The following HMGCLL1 variants were observed in gnomAD, a reference collection of about 807,000 sequenced individuals.
HMGCLL1 encodes 3-hydroxymethyl-3-methylglutaryl-CoA lyase, cytoplasmic.
A neutral mutation model predicts 39.1 loss-of-function variants in HMGCLL1; 36 were observed. That is an observed-to-expected ratio of 0.92 (90% CI 0.71 to 1.22). HMGCLL1 has a LOEUF of 1.22. Among genes scored for constraint, HMGCLL1 ranks in the 50% most tolerant of loss-of-function variants. HMGCLL1 has a pLI of 0.00. For missense variants in HMGCLL1, 451 were observed against 416.5 expected, an observed-to-expected ratio of 1.08 and a Z score of -0.72; for synonymous variants, 149 against 144.0, an observed-to-expected ratio of 1.03 and a Z score of -0.25.
At chr6:55,522,589 C>T (rs1156494326) in intron 3 of HMGCLL1, among the ~76,000 whole-genome samples, 3 of 151,934 alleles carry the variant, frequency 2.0e-5, no homozygotes, top group Non-Finnish European at 4.4e-5. Flanking sequence ...TGATTAACTC[C>T]CCGCTGCACC....
the HMGCLL1 span, among the ~76,000 whole-genome samples, chr6:55,672,381 CTTAGT>C: frequency 2.6e-5 from 4 of 151,694 alleles, no homozygotes; most frequent in African/African-American, 4.8e-5. Flanking sequence ...CTCAAATTCT[CTTAGT>C]TTAAAGAATA....
chr6:55,599,846 A>G, the HMGCLL1 span, among the ~76,000 whole-genome samples: 1 of 152,214 alleles, frequency 6.6e-6, no homozygotes, highest in Non-Finnish European at 1.5e-5. Flanking sequence ...AAGTGATGCA[A>G]GTATACATTT....
At chr6:55,618,448 G>C in the HMGCLL1 span, among the ~76,000 whole-genome samples, 1 of 151,964 alleles carries the variant, frequency 6.6e-6, no homozygotes, top group Non-Finnish European at 1.5e-5. Flanking sequence ...TAAATTTTGA[G>C]AATGTATTTG....
chr6:55,534,151 G>T (rs1441184640), intron 3 of HMGCLL1, among the ~76,000 whole-genome samples: 3 of 152,000 alleles, frequency 2.0e-5, no homozygotes, highest in African/African-American at 7.2e-5. Flanking sequence ...TACTAAAATA[G>T]GTATTCTTTT....
the HMGCLL1 span, among the ~76,000 whole-genome samples, chr6:55,624,306 G>T: frequency 6.6e-6 from 1 of 152,082 alleles, no homozygotes; most frequent in Non-Finnish European, 1.5e-5. Context: ...TAACCAAGTG[G>T]TGACTCCAAT....
chr6:55,664,366 A>G, the HMGCLL1 span, among the ~76,000 whole-genome samples: 31 of 151,806 alleles, frequency 2.0e-4, no homozygotes, highest in Non-Finnish European at 3.7e-4. Context: ...GTCTGGTAGT[A>G]ATAAACTGCC....
At chr6:55,666,912 C>T in the HMGCLL1 span, among the ~76,000 whole-genome samples, 1 of 151,440 alleles carries the variant, frequency 6.6e-6, no homozygotes, top group African/African-American at 2.4e-5. Context: ...ACATAGAAGC[C>T]AGGAAACACT....
chr6:55,660,039 C>A, the HMGCLL1 span, among the ~76,000 whole-genome samples: 1 of 151,748 alleles, frequency 6.6e-6, no homozygotes, highest in Non-Finnish European at 1.5e-5. Context: ...TCCTTCAGTG[C>A]TTTTATCCTG....
the HMGCLL1 span, among the ~76,000 whole-genome samples, chr6:55,613,840 G>A: frequency 2.0e-5 from 3 of 152,028 alleles, no homozygotes; most frequent in African/African-American, 7.2e-5. Context: ...TAATACCAAG[G>A]TGATGTGTTG....
At chr6:55,507,808 A>G (rs1055651070) in intron 5 of HMGCLL1, among the ~76,000 whole-genome samples, 16 of 151,808 alleles carry the variant, frequency 1.1e-4, no homozygotes, top group African/African-American at 2.7e-4. Flanking sequence ...TATTTTGTAA[A>G]CTTCAACAGC....
chr6:55,664,295 G>A, the HMGCLL1 span, among the ~76,000 whole-genome samples: 1 of 151,742 alleles, frequency 6.6e-6, no homozygotes, highest in Non-Finnish European at 1.5e-5. Context: ...GTATGTTTCT[G>A]TATTGGCTGG....
chr6:55,473,126 C>A (rs189276927), intron 7 of HMGCLL1, among the ~76,000 whole-genome samples: 72 of 151,232 alleles, frequency 4.8e-4, no homozygotes, highest in Non-Finnish European at 7.0e-4. Flanking sequence ...TTTTAACATA[C>A]CTGAGTATAT....
chr6:55,614,060 A>G, the HMGCLL1 span, among the ~76,000 whole-genome samples: 2 of 152,192 alleles, frequency 1.3e-5, no homozygotes, highest in Non-Finnish European at 2.9e-5. Context: ...TTTTTCTAAA[A>G]TATCCACATT....
At chr6:55,539,576 A>G (rs976081216) in intron 3 of HMGCLL1, among the ~76,000 whole-genome samples, 1 of 151,926 alleles carries the variant, frequency 6.6e-6, no homozygotes, top group African/African-American at 2.4e-5. Context: ...CGAACATATT[A>G]TCTAGCACAT....
chr6:55,473,947 T>C (rs998653743), intron 7 of HMGCLL1, among the ~76,000 whole-genome samples: 2 of 151,550 alleles, frequency 1.3e-5, no homozygotes, highest in Admixed American at 6.6e-5. Context: ...TAGTTGCTTT[T>C]GTGGTTTCTG....
the HMGCLL1 span, among the ~76,000 whole-genome samples, chr6:55,641,038 A>C: frequency 1.3e-5 from 2 of 151,850 alleles, no homozygotes; most frequent in Non-Finnish European, 2.9e-5. Flanking sequence ...ATTAAGAAAT[A>C]AATTAGAGTA....
chr6:55,509,696 TA>T (rs948856694), intron 5 of HMGCLL1, among the ~76,000 whole-genome samples: 7 of 151,720 alleles, frequency 4.6e-5, no homozygotes, highest in East Asian at 1.9e-4. Context: ...CTGAATCAGT[TA>T]AAAAAAATAA....
At chr6:55,526,604 T>C (rs965920813) in intron 3 of HMGCLL1, among the ~76,000 whole-genome samples, 7 of 152,080 alleles carry the variant, frequency 4.6e-5, no homozygotes, top group African/African-American at 1.7e-4. Flanking sequence ...TTCAATCCAC[T>C]TTGAATTGTG....
chr6:55,457,324 G>A (rs1244615453), intron 7 of HMGCLL1, among the ~76,000 whole-genome samples: 1 of 152,116 alleles, frequency 6.6e-6, no homozygotes. Context: ...TCAGACTCCT[G>A]CAGAGATAGC....
Sources: gnomAD v4.1 joint callset for allele counts (sites outside exome capture counted in the v4.1 genomes callset) on GRCh38, gnomAD v4.1.1 for gene constraint, MANE v1.5 for transcripts, NCBI Gene and HGNC (gene_info 2026-07-23, HGNC 2026-07-21) for gene names.